Variants in TACC1 observed in about 807,000 individuals in gnomAD.
TACC1 encodes the protein transforming acidic coiled-coil containing protein 1.
TACC1 carries 48 observed loss-of-function variants against 84.4 expected under a neutral mutation model. That is an observed-to-expected ratio of 0.57 (90% CI 0.45 to 0.72). The LOEUF is 0.72. Ranked by LOEUF, TACC1 falls within the 30% of genes least tolerant of loss-of-function variation. The pLI is 0.00. For missense variants in TACC1, 920 were observed against 973.0 expected (o/e 0.95, Z 0.72); for synonymous variants, 372 against 376.3 (o/e 0.99, Z 0.13).
intron 11 of TACC1, among the ~76,000 whole-genome samples, chr8:38,844,195 C>T (rs895402347): frequency 8.6e-5 from 13 of 151,864 alleles, no homozygotes; most frequent in East Asian, 1.9e-4. Flanking sequence ...TTTTTTGAGA[C>T]GGAGTTTCTC....
chr8:38,796,435 C>T (rs768669313), intron 2 of TACC1, among the ~76,000 whole-genome samples: 15 of 152,160 alleles, frequency 9.9e-5, no homozygotes, highest in African/African-American at 2.9e-4. Context: ...GGGAAAGCAT[C>T]GTCTTAAGTA....
intron 9 of TACC1, among the ~76,000 whole-genome samples, chr8:38,841,594 G>A (rs1329624129): frequency 6.6e-6 from 1 of 152,142 alleles, no homozygotes; most frequent in Non-Finnish European, 1.5e-5. Flanking sequence ...TAGGTGAATT[G>A]GGAGGTATGG....
upstream of TACC1, among the ~76,000 whole-genome samples, chr8:38,783,076 ATCTATCTATCTATCTATCTATCTATC>A (rs1816367834): frequency 4.2e-5 from 4 of 96,066 alleles, no homozygotes; most frequent in African/African-American, 2.1e-4. Context: ...ATATCTATCT[ATCTATCTATCTATCTATCTATCTATC>A]TATCTATATA....
chr8:38,782,384 T>G (rs1172066146), upstream of TACC1, among the ~76,000 whole-genome samples: 1 of 152,106 alleles, frequency 6.6e-6, no homozygotes, highest in African/African-American at 2.4e-5. Flanking sequence ...TATTCCATGG[T>G]GTATATGTGC....
intron 2 of TACC1, among the ~76,000 whole-genome samples, chr8:38,811,803 G>A (rs1372428380): frequency 6.6e-6 from 1 of 152,174 alleles, no homozygotes; most frequent in East Asian, 1.9e-4. Context: ...GGGAACAAGG[G>A]AAGACAACCA....
intron 9 of TACC1, 99 bp downstream of exon 9, chr8:38,840,366 A>T: frequency 1.9e-6 from 2 of 1,078,862 alleles, no homozygotes; most frequent in Non-Finnish European, 2.8e-6. Context: ...GTAGCTTATA[A>T]ACAACAAACA....
rs191228791 is a variant in TACC1, at chr8:38,830,568, T to C, written c.1661-557T>C. On this transcript the variant is annotated intron_variant, in intron 5 of 12. Transcript: ENST00000317827. ...AGGCATGAGCCACTGTGCCCAGCCA[T>C]CTTCTGGTTATTTTAAATGTCATCC... 3.7e-4 allele frequency among the ~76,000 whole-genome samples: 56 copies of C among 152,296 alleles called. No individual in the cohort carries two copies. In the East Asian group the frequency reaches 0.01, roughly 28 times the overall value.
In TACC1 at chr8:38,787,603, G is replaced by A; in HGVS notation, c.21G>A (p.Gln7=). MAFSPW[Q]ILSPVQWAKW... is the part of the protein sequence containing the mutation. ...CGCTCATGGCGTTCAGCCCGTGGCA[G>A]ATCCTGTCCCCCGTGCAGTGGGCGA... The change falls in exon 1 of 13, where the codon CAG becomes CAA. Residue 7 remains glutamine, a synonymous_variant. Coordinates refer to ENST00000317827, the MANE Select transcript of TACC1 (RefSeq NM_006283.3). 6.5e-7 allele frequency: 1 copy of A among 1,544,168 alleles called. No individual in the cohort carries two copies. The highest frequency in any genetic ancestry group is 8.7e-7 in the Non-Finnish European group (1 of 1,143,706).
intron 2 of TACC1, chr8:38,742,542 T>C (rs1807271402): frequency 1.0e-6 from 1 of 955,066 alleles, no homozygotes. Flanking sequence ...ATATGTAATC[T>C]TTGTATTTGG....
chr8:38,804,783 T>G (rs542310986), intron 2 of TACC1, among the ~76,000 whole-genome samples: 53 of 152,190 alleles, frequency 3.5e-4, no homozygotes, highest in Non-Finnish European at 7.2e-4. Flanking sequence ...TTAATTTTTT[T>G]GTAGAATCAG....
upstream of TACC1, among the ~76,000 whole-genome samples, chr8:38,785,510 C>T (rs1816964186): frequency 6.6e-6 from 1 of 152,058 alleles, no homozygotes. Context: ...GAGGTAAAAC[C>T]AGGTGGGAGT....
chr8:38,817,041 G>A (rs1031179855), intron 2 of TACC1, among the ~76,000 whole-genome samples: 8 of 152,120 alleles, frequency 5.3e-5, no homozygotes, highest in African/African-American at 1.7e-4. Flanking sequence ...GAGGTTCCAG[G>A]GGTTGTAGGA....
chr8:38,817,919 TAAAAAAA>T lies in TACC1; in HGVS notation c.278-1581_278-1575del, dbSNP rs60301511. Among the ~76,000 whole-genome samples the T allele has an allele frequency of 6.3e-5, 3 of 47,824 alleles. No individual in the cohort carries two copies. In the South Asian group the frequency reaches 3.1e-3, roughly 50 times the overall value. The allele number at this position is 47,824 out of a possible 152,430, so 31.4% of individuals were successfully genotyped here. ...CCTGGGCAACAGAGTGAGAGACCCCTAAAAAAAAAAAAAAAAAAAAAAAAAAAACAGG... is the reference window on the plus strand; with the variant it reads ...CCTGGGCAACAGAGTGAGAGACCCCTAAAAAAAAAAAAAAAAAAAAACAGG... On this transcript the variant is annotated intron_variant, in intron 2 of 12. Coordinates refer to ENST00000317827, the MANE Select transcript of TACC1 (RefSeq NM_006283.3).
Position 38,848,109 on chromosome 8 carries a change from C to A in TACC1, c.*86C>A. The A allele has an allele frequency of 7.6e-7, 1 of 1,318,444 alleles. No individual in the cohort carries two copies. Among genetic ancestry groups the A allele is most frequent in the Non-Finnish European group, 1.1e-6 (1 of 942,394 alleles). The allele number at this position is 1,318,444 out of a possible 1,614,324, so 81.7% of individuals were successfully genotyped here. On this transcript the variant is annotated 3_prime_UTR_variant, in exon 13 of 13. Coordinates refer to ENST00000317827, the MANE Select transcript of TACC1 (RefSeq NM_006283.3). ...ATCTTGCCTTATCCAGGAATAATTGCCCCTTTGCAGAGAAAAAAAAAAACT... is the reference window on the plus strand; with the variant it reads ...ATCTTGCCTTATCCAGGAATAATTGACCCTTTGCAGAGAAAAAAAAAAACT...
chr8:38,806,387 C>T (rs578140597), intron 2 of TACC1, among the ~76,000 whole-genome samples: 32 of 151,748 alleles, frequency 2.1e-4, no homozygotes, highest in Non-Finnish European at 3.1e-4. Context: ...ATTGGATGAA[C>T]GAAGATAGCT....
rs1815937840 is a variant in TACC1, at chr8:38,781,397, TTTGA to T, written c.27-7306_27-7303del. On this transcript the variant is annotated intron_variant, in intron 3 of 14. Transcript: ENST00000518415. ...AGAAATATTCTTCTTTTTTTTTTTT[TTTGA>T]GGCGGAGACTTGTTCTGTCCCCCAG... 5.9e-5 allele frequency among the ~76,000 whole-genome samples: 9 copies of T among 152,040 alleles called. No homozygotes were observed. The South Asian group carries it at 1.0e-3, about 18-fold the overall frequency.
At chr8:38,808,570 A>G (rs1044904216) in intron 2 of TACC1, among the ~76,000 whole-genome samples, 2 of 152,154 alleles carry the variant, frequency 1.3e-5, no homozygotes, top group Admixed American at 6.5e-5. Context: ...GTGCCACCAC[A>G]CTTGGCTAAT....
intron 2 of TACC1, among the ~76,000 whole-genome samples, chr8:38,801,471 T>G (rs1434775050): frequency 6.6e-6 from 1 of 152,256 alleles, no homozygotes; most frequent in Non-Finnish European, 1.5e-5. Context: ...TCAAAAAGAC[T>G]ATTCTTTTCC....
intron 2 of TACC1, 94 bp downstream of exon 2, chr8:38,788,913 T>C: frequency 1.0e-6 from 1 of 995,548 alleles, no homozygotes; most frequent in Non-Finnish European, 1.5e-6. Flanking sequence ...TTTAGGACCA[T>C]TTAAGAGAGT....
Sources: gnomAD v4.1 joint callset for allele counts (sites outside exome capture counted in the v4.1 genomes callset) on GRCh38, gnomAD v4.1.1 for gene constraint, MANE v1.5 for transcripts, NCBI Gene and HGNC (gene_info 2026-07-23, HGNC 2026-07-21) for gene names.